Variants in ZBTB7C observed in about 807,000 individuals in gnomAD.
ZBTB7C encodes zinc finger and BTB domain-containing protein 7C.
Under a neutral mutation model 25.7 loss-of-function variants are expected in ZBTB7C, and 8 were observed. That is an observed-to-expected ratio of 0.31 (90% CI 0.18 to 0.56). The LOEUF is 0.56. Ranked by LOEUF, ZBTB7C falls within the 20% of genes least tolerant of loss-of-function variation. ZBTB7C has a pLI of 0.91. For synonymous variants in ZBTB7C, 394 were observed against 369.0 expected (o/e 1.07, Z -0.78); for missense variants, 824 against 855.2 (o/e 0.96, Z 0.46).
At chr18:48,214,211 T>A (rs1317486037) in intron 2 of ZBTB7C, among the ~76,000 whole-genome samples, 1 of 152,246 alleles carries the variant, frequency 6.6e-6, no homozygotes, top group Admixed American at 6.5e-5. Context: ...TTTACATTGT[T>A]GGGCAACTAT....
intron 1 of ZBTB7C, among the ~76,000 whole-genome samples, chr18:48,405,325 C>T (rs949028464): frequency 6.6e-6 from 1 of 152,134 alleles, no homozygotes; most frequent in South Asian, 2.1e-4. Context: ...GCCTTCAAAC[C>T]TCCTCGACCA....
chr18:48,052,692 G>T (rs7244127), intron 3 of ZBTB7C, among the ~76,000 whole-genome samples: 1 of 151,992 alleles, frequency 6.6e-6, no homozygotes, highest in African/African-American at 2.4e-5. Context: ...AAAACCCTCT[G>T]GGGGAGGAAT....
At chr18:48,235,899 A>G (rs2043366562) in intron 2 of ZBTB7C, among the ~76,000 whole-genome samples, 1 of 152,156 alleles carries the variant, frequency 6.6e-6, no homozygotes, top group Non-Finnish European at 1.5e-5. Context: ...AAATTTCTAA[A>G]CGTGTGTTTC....
At chr18:48,129,351 CAAA>C (rs11287872) in intron 3 of ZBTB7C, among the ~76,000 whole-genome samples, 1 of 74,242 alleles carries the variant, frequency 1.3e-5, no homozygotes. Context: ...AGAGAAAGTC[CAAA>C]AAAAAAAAAA....
intron 2 of ZBTB7C, among the ~76,000 whole-genome samples, chr18:48,313,985 C>G (rs1207368245): frequency 6.6e-6 from 1 of 152,132 alleles, no homozygotes; most frequent in Non-Finnish European, 1.5e-5. Flanking sequence ...CTTGCTCCAG[C>G]TTTGGCATGT....
chr18:48,029,410 C>T lies in ZBTB7C; in HGVS notation c.1710G>A (p.Ala570=), dbSNP rs777241771. ...CCAGCGCGAAGGCCAGGAGGCCCCC[C>T]GCGTTCCTCTCAGCCTCCAGCTGCG... ...GRAQLEAERN[A]GGLLAFALAE... Residue 570 remains alanine, a synonymous_variant, in exon 5 of 5, where the codon GCG becomes GCA. Transcript: ENST00000590800. 6.4e-6 allele frequency: 10 copies of T among 1,574,524 alleles called. No individual in the cohort carries two copies. Among genetic ancestry groups the T allele is most frequent in the Non-Finnish European group, 8.6e-6 (10 of 1,164,280 alleles).
At chr18:48,297,889 T>TCACACACTAG (rs2045438926) in intron 2 of ZBTB7C, among the ~76,000 whole-genome samples, 1 of 152,192 alleles carries the variant, frequency 6.6e-6, no homozygotes, top group South Asian at 2.1e-4. Context: ...TTCATTTGGG[T>TCACACACTAG]ATGGCCTGTG....
At chr18:48,102,564 C>CAAAA (rs58790347) in intron 3 of ZBTB7C, among the ~76,000 whole-genome samples, 4 of 95,614 alleles carry the variant, frequency 4.2e-5, no homozygotes, top group African/African-American at 4.2e-5. Flanking sequence ...GATCCTCCCT[C>CAAAA]AAAAAAAAAA....
At chr18:48,201,962 A>G (rs1250099255) in intron 2 of ZBTB7C, among the ~76,000 whole-genome samples, 1 of 152,206 alleles carries the variant, frequency 6.6e-6, no homozygotes, top group Admixed American at 6.5e-5. Flanking sequence ...TCCACCCACC[A>G]GCCTGTCTTC....
intron 1 of ZBTB7C, among the ~76,000 whole-genome samples, chr18:48,390,582 G>A (rs778185636): frequency 6.6e-6 from 1 of 152,230 alleles, no homozygotes; most frequent in Non-Finnish European, 1.5e-5. Context: ...ATGATTTCCT[G>A]TCTGTCACCT....
At chr18:48,157,588 G>C (rs891121906) in intron 3 of ZBTB7C, among the ~76,000 whole-genome samples, 3 of 152,130 alleles carry the variant, frequency 2.0e-5, no homozygotes, top group East Asian at 1.9e-4. Context: ...CAAGAACCTG[G>C]CAGTCCCAGC....
intron 1 of ZBTB7C, among the ~76,000 whole-genome samples, chr18:48,398,951 G>A (rs1348711190): frequency 6.6e-6 from 1 of 152,142 alleles, no homozygotes; most frequent in Non-Finnish European, 1.5e-5. Flanking sequence ...AAATCTTCCT[G>A]TATTCAGAAA....
chr18:48,221,995 G>A (rs2042975545), intron 2 of ZBTB7C, among the ~76,000 whole-genome samples: 1 of 150,294 alleles, frequency 6.7e-6, no homozygotes, highest in African/African-American at 2.5e-5. Flanking sequence ...CCTCTATACT[G>A]TCCTAGTCTC....
chr18:48,324,075 C>T (rs776650615), intron 2 of ZBTB7C, among the ~76,000 whole-genome samples: 3 of 152,144 alleles, frequency 2.0e-5, no homozygotes, highest in South Asian at 2.1e-4. Context: ...GGGTCCTCAC[C>T]AGACACCAAA....
At chr18:48,161,082 G>A (rs2041003980) in intron 3 of ZBTB7C, among the ~76,000 whole-genome samples, 1 of 151,776 alleles carries the variant, frequency 6.6e-6, no homozygotes, top group Non-Finnish European at 1.5e-5. Flanking sequence ...CCTGCCAGCA[G>A]AGGCCTGGCA....
intron 3 of ZBTB7C, among the ~76,000 whole-genome samples, chr18:48,144,005 C>T (rs192769052): frequency 2.6e-4 from 39 of 152,268 alleles, no homozygotes; most frequent in Non-Finnish European, 4.3e-4. Flanking sequence ...AGGCCAGGAG[C>T]GGTGGCTCAC....
intron 2 of ZBTB7C, among the ~76,000 whole-genome samples, chr18:48,238,715 A>C (rs2043444917): frequency 6.6e-6 from 1 of 152,258 alleles, no homozygotes; most frequent in Admixed American, 6.5e-5. Context: ...GATCACAGAG[A>C]GAAGGAAACT....
chr18:48,109,920 G>C (rs951195984), intron 3 of ZBTB7C, among the ~76,000 whole-genome samples: 1 of 152,184 alleles, frequency 6.6e-6, no homozygotes. Context: ...CAGAAAGCCT[G>C]GTTTCTTCCC....
chr18:48,206,647 A>T (rs1050719843), intron 2 of ZBTB7C, among the ~76,000 whole-genome samples: 7 of 152,286 alleles, frequency 4.6e-5, no homozygotes, highest in Admixed American at 3.9e-4. Flanking sequence ...GTAACAGAGC[A>T]AGATAATAAA....
Sources: gnomAD v4.1 joint callset for allele counts (sites outside exome capture counted in the v4.1 genomes callset) on GRCh38, gnomAD v4.1.1 for gene constraint, MANE v1.5 for transcripts, NCBI Gene and HGNC (gene_info 2026-07-23, HGNC 2026-07-21) for gene names.